The following FERMT1 variants were observed in gnomAD, a reference collection of about 807,000 sequenced individuals.
The protein encoded by FERMT1 is FERM domain containing kindlin 1, also known as fermitin family homolog 1.
A neutral mutation model predicts 85.3 loss-of-function variants in FERMT1; 60 were observed. That is an observed-to-expected ratio of 0.70 (90% CI 0.57 to 0.87). The LOEUF is 0.87. FERMT1 is among the 40% of genes least tolerant of loss of function. The probability of loss-of-function intolerance (pLI) is 0.00; values close to 1 mark genes in which losing one functional copy is unlikely to be tolerated. For missense variants in FERMT1, 701 were observed against 818.9 expected, an observed-to-expected ratio of 0.86 and a Z score of 1.76; for synonymous variants, 275 against 301.1, an observed-to-expected ratio of 0.91 and a Z score of 0.90.
In FERMT1 at chr20:6,079,496, T is replaced by C. The variant is rs138852105; in HGVS notation, c.1800A>G (p.Pro600=). The C allele has an allele frequency of 3.5e-5, 56 of 1,613,492 alleles. No individual in the cohort carries two copies. The highest frequency in any genetic ancestry group is 4.7e-5 in the Non-Finnish European group (56 of 1,179,488). Residue 600 remains proline (P), a synonymous_variant, in exon 14 of 15, where the codon CCA becomes CCG. Transcript: ENST00000217289. ...LIKIDAATGI[P]VTTWRFTNIK... is the part of the protein sequence containing the mutation. Reference sequence around the variant, plus strand: ...TATTTGTGAATCTCCATGTTGTCACTGGAATCCCGGTGGCTGCATCAATTT... The same window carrying C: ...TATTTGTGAATCTCCATGTTGTCACCGGAATCCCGGTGGCTGCATCAATTT...
At chr20:6,083,974 G>A (rs1182344232) in intron 13 of FERMT1, 66 bp downstream of exon 13, 1 of 1,582,246 alleles carries the variant, frequency 6.3e-7, no homozygotes, top group Admixed American at 1.7e-5. Flanking sequence ...TGAGAAAACT[G>A]GGGCTCCCCA....
At chr20:6,089,458 A>G (rs3827699) in intron 9 of FERMT1, among the ~76,000 whole-genome samples, 47,399 of 152,044 alleles carry the variant, frequency 0.31, 7,539 homozygotes, top group South Asian at 0.48. Context: ...GCTTATCACA[A>G]CACCTGATGC....
chr20:6,097,091 T>C (rs1982524992), intron 7 of FERMT1, 58 bp from the exon 8 acceptor site: 2 of 1,439,726 alleles, frequency 1.4e-6, no homozygotes, highest in African/African-American at 2.8e-5. Flanking sequence ...TAAATATAAA[T>C]GAATCCATTA....
At chr20:6,077,474 C>T in intron 14 of FERMT1, 128 bp from the exon 15 acceptor site, 1 of 846,502 alleles carries the variant, frequency 1.2e-6, no homozygotes, top group Non-Finnish European at 1.9e-6. Context: ...CCCTCTAAAA[C>T]ACACAGAAAA....
chr20:6,099,786 A>G (rs182015192), intron 6 of FERMT1, among the ~76,000 whole-genome samples: 2 of 151,070 alleles, frequency 1.3e-5, no homozygotes, highest in African/African-American at 4.9e-5. Context: ...GCCTGAGGCC[A>G]GGAATTCAAG....
intron 6 of FERMT1, 137 bp from the exon 7 acceptor site, chr20:6,097,768 C>A: frequency 2.8e-6 from 2 of 721,972 alleles, no homozygotes; most frequent in Non-Finnish European, 2.5e-6. Flanking sequence ...AGGAATACTT[C>A]TATTGTGCCA....
intron 6 of FERMT1, among the ~76,000 whole-genome samples, chr20:6,103,148 AT>A (rs1412365338): frequency 6.6e-6 from 1 of 152,206 alleles, no homozygotes; most frequent in East Asian, 1.9e-4. Context: ...AGAGTGTTCA[AT>A]AAAAAGTTAG....
At chr20:6,100,211 TGATGA>T (rs935916320) in intron 6 of FERMT1, among the ~76,000 whole-genome samples, 36 of 152,284 alleles carry the variant, frequency 2.4e-4, no homozygotes, top group African/African-American at 8.7e-4. Context: ...GTTCATTGAT[TGATGA>T]ATGAATGTAG....
At chr20:6,079,056 C>G (rs758138674) in intron 14 of FERMT1, among the ~76,000 whole-genome samples, 1 of 152,094 alleles carries the variant, frequency 6.6e-6, no homozygotes, top group Non-Finnish European at 1.5e-5. Context: ...TCAGATGAGG[C>G]TTTTTTTGGA....
At position 6,096,943 on chromosome 20, in the gene FERMT1, A is replaced by G; in HGVS notation, c.1048T>C (p.Leu350=). 1.2e-6 allele frequency: 2 copies of G among 1,614,120 alleles called. No individual in the cohort carries two copies. Among genetic ancestry groups the G allele is most frequent in the Non-Finnish European group, 1.7e-6 (2 of 1,179,974 alleles). The change falls in exon 8 of 15, where the codon TTG becomes CTG. Residue 350 remains leucine, a synonymous_variant. Transcript: ENST00000217289. The part of the protein sequence containing the change: ...VDEIEAALSN[L]EVTLEGGKAD... ...TTTCCACCTTCTAGGGTTACTTCCA[A>G]ATTAGAAAGCGCCGCTTCTATTTCA...
chr20:6,096,802 CA>C, intron 8 of FERMT1, 99 bp downstream of exon 8: 1 of 237,456 alleles, frequency 4.2e-6, no homozygotes, highest in Non-Finnish European at 6.9e-6. Context: ...TTTTTTTTTT[CA>C]AAATCAGATG....
In FERMT1 at chr20:6,084,102, C is replaced by T. The variant is rs780384520; in HGVS notation, c.1656G>A (p.Lys552=). 8.7e-6 allele frequency: 14 copies of T among 1,614,020 alleles called. No homozygotes were observed. In the South Asian group the frequency reaches 1.2e-4, roughly 14 times the overall value. Residue 552 remains lysine, a synonymous_variant, in exon 13 of 15, where the codon AAG becomes AAA. Coordinates refer to ENST00000217289, the MANE Select transcript of FERMT1 (RefSeq NM_017671.5). ...ACTGCCACGCCTGGATGAACCGCAGCTTGGCTTCGACCAGGGGCATCTGGG... is the reference window on the plus strand; with the variant it reads ...ACTGCCACGCCTGGATGAACCGCAGTTTGGCTTCGACCAGGGGCATCTGGG... The part of the protein sequence containing the change: ...NVAQMPLVEA[K]LRFIQAWQSL...
intron 6 of FERMT1, among the ~76,000 whole-genome samples, chr20:6,100,856 GA>G (rs1342239668): frequency 6.6e-6 from 1 of 152,002 alleles, no homozygotes; most frequent in Non-Finnish European, 1.5e-5. Flanking sequence ...AAAAATATTT[GA>G]AATATTTGAA....
Position 6,076,734 on chromosome 20 carries a change from C to T in FERMT1, c.*439G>A, listed in dbSNP as rs576322873. On this transcript the variant is annotated 3_prime_UTR_variant, in exon 15 of 15. Coordinates refer to ENST00000217289, the MANE Select transcript of FERMT1 (RefSeq NM_017671.5). ...TAAAAGCAGTTCCATGAAGGACAGG[C>T]GTTTCGTTTCATACCTGAGTTTGTG... is the stretch of plus-strand genomic sequence containing the variant. 14 of 323,484 alleles carry T rather than the reference C, an allele frequency of 4.3e-5. No individual in the cohort carries two copies. The highest frequency in any genetic ancestry group is 2.9e-4 in the South Asian group (11 of 37,644). The allele number at this position is 323,484 out of a possible 1,614,324, so 20.0% of individuals were successfully genotyped here.
chr20:6,118,331 C>A (rs780786100), intron 2 of FERMT1, among the ~76,000 whole-genome samples: 13 of 151,094 alleles, frequency 8.6e-5, no homozygotes, highest in Non-Finnish European at 1.9e-4. Flanking sequence ...CAAAATCAAG[C>A]AATGATTCCT....
Position 6,107,625 on chromosome 20 carries a change from G to A in FERMT1, c.756C>T (p.Asp252=), listed in dbSNP as rs142628403. 132 of 1,602,780 alleles carry A rather than the reference G, an allele frequency of 8.2e-5. 1 individual carries two copies. The African/African-American group carries it at 1.5e-3, about 18-fold the overall frequency. The part of the protein sequence containing the change: ...DKAKLNAGWL[D]SSRSLMEQGI... ...CTTGTTCCATAAGGGAGCGTGAGGA[G>A]TCTAGCCAACTAGAAAATGACAGCA... is the stretch of plus-strand genomic sequence containing the variant. The change falls in exon 6 of 15, where the codon GAC becomes GAT. Residue 252 remains aspartate (D), a synonymous_variant. Transcript: ENST00000217289.
chr20:6,077,256 T>G lies in FERMT1; in HGVS notation c.1951A>C (p.Ile651Leu). 6.2e-7 allele frequency: 1 copy of G among 1,614,062 alleles called. No homozygotes were observed. Among genetic ancestry groups the G allele is most frequent in the African/African-American group, 1.3e-5 (1 of 74,996 alleles). ...TCCTTGGAGCGGGTGGACAAGAAAA[T>G]GTAGCCGCCAATGTACTCGTGCACA... ...KIVHEYIGGY[I>L]FLSTRSKDQN... The change falls in exon 15 of 15, where the codon ATT becomes CTT. Residue 651 changes from isoleucine (I) to leucine (L), a missense_variant. Transcript: ENST00000217289.
In FERMT1 at chr20:6,097,046, CAG is replaced by C; in HGVS notation, c.958-15_958-14del. ...TGCTAATGTGGTACTAAAATGAAAA[CAG>C]ACGTTTTAGAAATGTTATAAACAGA... is the stretch of plus-strand genomic sequence containing the variant. On this transcript the variant is annotated splice_polypyrimidine_tract_variant and intron_variant, in intron 7 of 14. Transcript: ENST00000217289. 1 of 1,612,088 alleles carries C rather than the reference CAG, an allele frequency of 6.2e-7. No homozygotes were observed. Among genetic ancestry groups the C allele is most frequent in the East Asian group, 2.2e-5 (1 of 44,838 alleles).
rs757299220 is a variant in FERMT1, at chr20:6,089,085, T to G, written c.1144A>C (p.Lys382Gln). ...LADNLKLFRP[K>Q]KLLPKAFKQY... Reference sequence around the variant, plus strand: ...TTGAAAGCTTTTGGTAGTAACTTCTTGGGCCTGCAAATTCAAAGATAGTGA... The same window carrying G: ...TTGAAAGCTTTTGGTAGTAACTTCTGGGGCCTGCAAATTCAAAGATAGTGA... The change falls in exon 10 of 15, where the codon AAG becomes CAG. Residue 382 changes from lysine (K) to glutamine (Q), a missense_variant. By Grantham distance (53) the Lys-to-Gln change is moderately conservative. Transcript: ENST00000217289. 2 of 1,611,892 alleles carry G rather than the reference T, an allele frequency of 1.2e-6. No individual in the cohort carries two copies. Among genetic ancestry groups the G allele is most frequent in the Admixed American group, 3.3e-5 (2 of 59,946 alleles).
Sources: allele counts gnomAD v4.1 joint callset (sites outside exome capture counted in the v4.1 genomes callset), GRCh38; gene constraint gnomAD v4.1.1; transcripts MANE v1.5; gene names NCBI Gene and HGNC (gene_info 2026-07-23, HGNC 2026-07-21).